DLGAP2: variants seen among roughly 807,000 people sequenced by gnomAD.
DLGAP2 encodes disks large-associated protein 2.
In DLGAP2, 26 loss-of-function variants were observed where a neutral mutation model predicts 100.3. The observed-to-expected ratio is 0.26, with a 90% CI of 0.19 to 0.36. The LOEUF is 0.36. Ranked by LOEUF, DLGAP2 falls within the 10% of genes least tolerant of loss-of-function variation. The pLI is 1.00. For missense variants in DLGAP2, 1,858 were observed against 1,453.2 expected, an observed-to-expected ratio of 1.28 and a Z score of -4.53; for synonymous variants, 886 against 630.1, an observed-to-expected ratio of 1.41 and a Z score of -6.08.
intron 1 of DLGAP2, among the ~76,000 whole-genome samples, chr8:804,788 CAG>C (rs1188624075): frequency 1.3e-5 from 2 of 152,036 alleles, no homozygotes; most frequent in Non-Finnish European, 2.9e-5. Flanking sequence ...TTTTTTTGGA[CAG>C]AGTCTCACTT....
chr8:1,706,509 G>C lies in DLGAP2; in HGVS notation c.*5103G>C, dbSNP rs1799709195. 2 of 152,212 alleles carry C rather than the reference G, an allele frequency of 1.3e-5. No individual in the cohort carries two copies. The highest frequency in any genetic ancestry group is 4.1e-4 in the South Asian group (2 of 4,838). The allele number at this position is 152,212 out of a possible 1,614,324, so 9.4% of individuals were successfully genotyped here. A position where few individuals can be genotyped will look rare whatever the true frequency, so the allele number is the denominator to read the frequency against. On this transcript the variant is annotated 3_prime_UTR_variant, in exon 15 of 15. Transcript: ENST00000637795. ...TCTCAGAGATAATCAGGGACCACCAGAGGCAGAGGCCATGAGACTGTCTTT... is the reference window on the plus strand; with the variant it reads ...TCTCAGAGATAATCAGGGACCACCACAGGCAGAGGCCATGAGACTGTCTTT...
At chr8:743,212 A>T (rs914955060) in intron 1 of DLGAP2, among the ~76,000 whole-genome samples, 1 of 152,234 alleles carries the variant, frequency 6.6e-6, no homozygotes, top group African/African-American at 2.4e-5. Flanking sequence ...ACATGTGATA[A>T]CCATGAGGAT....
intron 3 of DLGAP2, among the ~76,000 whole-genome samples, chr8:1,480,203 C>T (rs1799053273): frequency 6.6e-6 from 1 of 152,166 alleles, no homozygotes; most frequent in African/African-American, 2.4e-5. Flanking sequence ...TTTCAGAACA[C>T]AGGAAACGTG....
intron 6 of DLGAP2, among the ~76,000 whole-genome samples, chr8:1,622,948 C>G (rs1445952856): frequency 6.6e-6 from 1 of 152,106 alleles, no homozygotes; most frequent in Admixed American, 6.5e-5. Flanking sequence ...GCGGGGCCAC[C>G]GGAGGGTGCA....
chr8:1,655,258 G>A (rs752246663), intron 8 of DLGAP2, among the ~76,000 whole-genome samples: 7 of 152,188 alleles, frequency 4.6e-5, no homozygotes, highest in African/African-American at 7.2e-5. Context: ...TAATTAAAGT[G>A]TCAAAATGGC....
At chr8:1,499,228 C>A (rs987194327) in intron 3 of DLGAP2, among the ~76,000 whole-genome samples, 2 of 152,230 alleles carry the variant, frequency 1.3e-5, no homozygotes, top group Non-Finnish European at 2.9e-5. Flanking sequence ...AAACTCCATG[C>A]CTGTTGCTGC....
intron 5 of DLGAP2, 162 bp from the exon 6 acceptor site, chr8:1,565,521 T>C: frequency 6.7e-6 from 4 of 593,410 alleles, no homozygotes. Flanking sequence ...TATATTCATT[T>C]CCTTTTAGGA....
rs1320712435 is a variant in DLGAP2 at position 1,439,578 on chromosome 8, C to T, written c.107-61788C>T. ...TCGCTCAGTCCCACGGCAACACGGT[C>T]TCCAGTCACTTTCCTTCCTTTTTTT... is the stretch of plus-strand genomic sequence containing the variant. On this transcript the variant is annotated intron_variant, in intron 3 of 14. Transcript: ENST00000637795. 1.2e-4 allele frequency among the ~76,000 whole-genome samples: 18 copies of T among 152,298 alleles called. No homozygotes were observed. The East Asian group carries it at 1.9e-3, about 16-fold the overall frequency.
intron 3 of DLGAP2, among the ~76,000 whole-genome samples, chr8:1,496,679 C>G (rs1276391039): frequency 6.6e-6 from 1 of 152,168 alleles, no homozygotes; most frequent in Non-Finnish European, 1.5e-5. Flanking sequence ...CACAGGGGAG[C>G]AGGACAGCCA....
At chr8:1,682,082 G>A (rs1393932977) in intron 12 of DLGAP2, among the ~76,000 whole-genome samples, 1 of 152,190 alleles carries the variant, frequency 6.6e-6, no homozygotes, top group Admixed American at 6.5e-5. Flanking sequence ...TTCCATGCTG[G>A]ATGTGCATCC....
At chr8:1,368,348 T>G (rs1384011686) in intron 3 of DLGAP2, among the ~76,000 whole-genome samples, 1 of 151,800 alleles carries the variant, frequency 6.6e-6, no homozygotes, top group Non-Finnish European at 1.5e-5. Context: ...TGTGCATGCG[T>G]GTGTATATAT....
intron 3 of DLGAP2, among the ~76,000 whole-genome samples, chr8:1,263,999 G>T (rs1799402373): frequency 6.6e-6 from 1 of 152,104 alleles, no homozygotes; most frequent in Non-Finnish European, 1.5e-5. Flanking sequence ...TTAGGGTTTT[G>T]GTGGAAATCA....
chr8:822,075 A>G (rs576808510), intron 1 of DLGAP2: 3 of 398,928 alleles, frequency 7.5e-6, no homozygotes, highest in Non-Finnish European at 1.3e-5. Context: ...CCCCATCTCT[A>G]TCCATTCCTC....
Position 865,329 on chromosome 8 carries a change from C to A in DLGAP2, c.19-42583C>A, listed in dbSNP as rs567560296. On this transcript the variant is annotated intron_variant, in intron 1 of 14. Coordinates refer to ENST00000637795, the MANE Select transcript of DLGAP2 (RefSeq NM_001346810.2). ...ATTGCTACTAAACGCTGAGCTCATG[C>A]CACAGGCTCATGCTTTTATATTAGC... Among the ~76,000 whole-genome samples the A allele has an allele frequency of 2.0e-5, 3 of 152,326 alleles. No individual in the cohort carries two copies. The South Asian group carries it at 6.2e-4, about 32-fold the overall frequency.
At chr8:1,037,783 C>G (rs920741356) in intron 2 of DLGAP2, among the ~76,000 whole-genome samples, 1 of 152,180 alleles carries the variant, frequency 6.6e-6, no homozygotes, top group African/African-American at 2.4e-5. Flanking sequence ...TTCCCTCTGC[C>G]TTGTCTCAGC....
chr8:802,682 G>A (rs1386750881), intron 1 of DLGAP2, among the ~76,000 whole-genome samples: 1 of 152,000 alleles, frequency 6.6e-6, no homozygotes, highest in South Asian at 2.1e-4. Context: ...CTTGATCGCC[G>A]CCCTGCATGG....
intron 2 of DLGAP2, among the ~76,000 whole-genome samples, chr8:1,136,385 A>G (rs558606546): frequency 6.6e-6 from 1 of 152,302 alleles, no homozygotes; most frequent in South Asian, 2.1e-4. Context: ...TGCTCGTGGG[A>G]GAGAAGGGAG....
intron 6 of DLGAP2, among the ~76,000 whole-genome samples, chr8:1,625,091 C>T (rs1797458266): frequency 6.6e-6 from 1 of 152,002 alleles, no homozygotes; most frequent in Admixed American, 6.6e-5. Flanking sequence ...AGAGAAAAAC[C>T]ACACCAAGGG....
At chr8:950,330 A>G (rs1799446671) in intron 2 of DLGAP2, among the ~76,000 whole-genome samples, 1 of 152,220 alleles carries the variant, frequency 6.6e-6, no homozygotes, top group South Asian at 2.1e-4. Context: ...TTTACAAAAG[A>G]GCACTTCCCA....
Sources: allele counts gnomAD v4.1 joint callset (sites outside exome capture counted in the v4.1 genomes callset), GRCh38; gene constraint gnomAD v4.1.1; transcripts MANE v1.5; gene names NCBI Gene and HGNC (gene_info 2026-07-23, HGNC 2026-07-21).